Variants in PPIG observed in about 807,000 individuals in gnomAD.
PPIG encodes the protein peptidyl-prolyl cis-trans isomerase G.
In PPIG, 26 loss-of-function variants were observed where a neutral mutation model predicts 87.9. The observed-to-expected ratio is 0.30, with a 90% CI of 0.22 to 0.41. The LOEUF (loss-of-function observed/expected upper bound fraction) is 0.41, where lower values mean the gene tolerates loss of function less well. Ranked by LOEUF, PPIG falls within the 10% of genes least tolerant of loss-of-function variation. The probability of loss-of-function intolerance (pLI) is 1.00; values close to 1 mark genes in which losing one functional copy is unlikely to be tolerated. For missense variants in PPIG, 722 were observed against 879.4 expected (o/e 0.82, Z 2.26); for synonymous variants, 308 against 276.5 (o/e 1.11, Z -1.13).
In PPIG at chr2:169,606,166, T is replaced by C. The variant is rs1685318648; in HGVS notation, c.244+20T>C. The C allele has an allele frequency of 2.6e-6, 4 of 1,522,394 alleles. No individual in the cohort carries two copies. Among genetic ancestry groups the C allele is most frequent in the African/African-American group, 2.7e-5 (2 of 72,836 alleles). The allele number at this position is 1,522,394 out of a possible 1,614,324, so 94.3% of individuals were successfully genotyped here. A position where few individuals can be genotyped will look rare whatever the true frequency, so the allele number is the denominator to read the frequency against. ...GTGAAGGTGAGACTTGGAAAAATCA[T>C]GTATTATTTTCTGTTAAATATCACA... On this transcript the variant is annotated intron_variant, in intron 5 of 13. Transcript: ENST00000260970.
chr2:169,590,100 C>G (rs983103062), intron 1 of PPIG, among the ~76,000 whole-genome samples: 1 of 141,616 alleles, frequency 7.1e-6, no homozygotes, highest in East Asian at 2.1e-4. Flanking sequence ...CAAGAAAGAG[C>G]GAAACTCTGT....
chr2:169,585,291 T>G (rs1684670973), intron 1 of PPIG, among the ~76,000 whole-genome samples: 1 of 103,956 alleles, frequency 9.6e-6, no homozygotes, highest in Non-Finnish European at 2.1e-5. Context: ...AGACGGAGTC[T>G]CGCTCTGTCG....
intron 12 of PPIG, among the ~76,000 whole-genome samples, chr2:169,634,342 GTGAGCCACCGTGTCCACCCAT>G (rs1686131505): frequency 6.6e-6 from 1 of 152,148 alleles, no homozygotes; most frequent in Admixed American, 6.5e-5. Context: ...AATTACAGGC[GTGAGCCACCGTGTCCACCCAT>G]TTACCTAACC....
rs1553542345 is a variant in PPIG at position 169,585,270 on chromosome 2, C to CTTTTTTTTTTTTTTTTTTTTTT, written c.-70+789_-70+790insTTTTTTTTTTTTTTTTTTTTTT. On this transcript the variant is annotated intron_variant, in intron 1 of 13. Transcript: ENST00000260970. ...TATGCTAATTTGGTTCTTGGTTAGTCTTTTTTTTTGAGACGGAGTCTCGCT... is the reference window on the plus strand; with the variant it reads ...TATGCTAATTTGGTTCTTGGTTAGTCTTTTTTTTTTTTTTTTTTTTTTTTTTTTTTTGAGACGGAGTCTCGCT... 5.9e-5 allele frequency among the ~76,000 whole-genome samples: 7 copies of CTTTTTTTTTTTTTTTTTTTTTT among 118,766 alleles called. 1 individual carries two copies. The highest frequency in any genetic ancestry group is 9.5e-5 in the African/African-American group (3 of 31,488). 77.9% of individuals were successfully genotyped at this position (118,766 alleles called of 152,430 possible).
chr2:169,586,266 G>T (rs2683435), intron 1 of PPIG, among the ~76,000 whole-genome samples: 61,238 of 151,600 alleles, frequency 0.4, 12,911 homozygotes, highest in East Asian at 0.58. Context: ...GGCTTTTCTA[G>T]GCAGTCAGTT....
intron 4 of PPIG, among the ~76,000 whole-genome samples, chr2:169,605,399 A>C (rs1428843022): frequency 6.6e-6 from 1 of 152,068 alleles, no homozygotes; most frequent in Non-Finnish European, 1.5e-5. Flanking sequence ...GCTACTCTGG[A>C]GGATGAGGCG....
intron 9 of PPIG, among the ~76,000 whole-genome samples, chr2:169,624,648 T>TGC (rs1685836067): frequency 6.6e-6 from 1 of 152,296 alleles, no homozygotes; most frequent in East Asian, 1.9e-4. Flanking sequence ...AGTGCAGTGG[T>TGC]GCGTTCTCGG....
intron 7 of PPIG, among the ~76,000 whole-genome samples, chr2:169,610,026 C>T (rs1362140903): frequency 6.6e-6 from 1 of 152,112 alleles, no homozygotes; most frequent in Non-Finnish European, 1.5e-5. Flanking sequence ...AAATTATGAC[C>T]AGGCCTGTTG....
rs1686260400 is a variant in PPIG at position 169,639,318 on chromosome 2, G to T, written c.*1795G>T. The T allele has an allele frequency of 6.6e-6, 1 of 152,026 alleles. No homozygotes were observed. The highest frequency in any genetic ancestry group is 1.5e-5 in the Non-Finnish European group (1 of 67,936). 9.4% of individuals were successfully genotyped at this position (152,026 alleles called of 1,614,324 possible). A position where few individuals can be genotyped will look rare whatever the true frequency, so the allele number is the denominator to read the frequency against. The stretch of plus-strand genomic sequence containing the variant: ...ATGTAGTTTAAGCAAGTTATTGTTT[G>T]TCTTAATTTCAGTTAACTGCATTTT... On this transcript the variant is annotated 3_prime_UTR_variant, in exon 14 of 14. Transcript: ENST00000260970.
chr2:169,602,356 C>T (rs1263334229), intron 1 of PPIG, among the ~76,000 whole-genome samples: 2 of 152,094 alleles, frequency 1.3e-5, no homozygotes, highest in Non-Finnish European at 2.9e-5. Context: ...CGCTCTGTCC[C>T]CCAGGCTGGA....
Position 169,637,352 on chromosome 2 carries a change from C to G in PPIG, c.2094C>G (p.Asp698Glu), listed in dbSNP as rs761854947. The G allele has an allele frequency of 1.9e-6, 3 of 1,610,204 alleles. No homozygotes were observed. Among genetic ancestry groups the G allele is most frequent in the Non-Finnish European group, 1.7e-6 (2 of 1,179,260 alleles). Reference protein sequence around the residue: ...PFSKIKQSSQDNELKSSMLKN... With the variant: ...PFSKIKQSSQENELKSSMLKN... ...CAAAAATAAAACAAAGCAGTCAGGA[C>G]AATGAATTAAAGTCCTCCATGTTGA... is the stretch of plus-strand genomic sequence containing the variant. Residue 698 changes from aspartate (D) to glutamate (E), a missense_variant, in exon 14 of 14, where the codon GAC (aspartate) becomes GAG (glutamate). Coordinates refer to ENST00000260970, the MANE Select transcript of PPIG (RefSeq NM_004792.3).
intron 9 of PPIG, among the ~76,000 whole-genome samples, chr2:169,627,626 A>C (rs1200319919): frequency 6.6e-6 from 1 of 150,774 alleles, no homozygotes; most frequent in East Asian, 2.0e-4. Context: ...TCCCAGGCTT[A>C]AGTGATTCTC....
intron 7 of PPIG, among the ~76,000 whole-genome samples, chr2:169,612,664 G>T (rs111382834): frequency 3.3e-5 from 5 of 152,024 alleles, no homozygotes; most frequent in Admixed American, 3.3e-4. Flanking sequence ...TTACAGACGT[G>T]AGCCACTGCA....
chr2:169,633,368 G>A, intron 12 of PPIG, 121 bp downstream of exon 12: 2 of 756,426 alleles, frequency 2.6e-6, no homozygotes, highest in Non-Finnish European at 4.5e-6. Context: ...GGAGATGCAG[G>A]CATTGAATTA....
intron 9 of PPIG, among the ~76,000 whole-genome samples, chr2:169,627,278 T>C (rs1685914196): frequency 6.7e-6 from 1 of 149,736 alleles, no homozygotes; most frequent in Non-Finnish European, 1.5e-5. Context: ...TTTGTATTTT[T>C]AGTAGAGACA....
intron 9 of PPIG, among the ~76,000 whole-genome samples, chr2:169,615,924 T>C (rs1375387956): frequency 2.0e-5 from 3 of 152,216 alleles, no homozygotes; most frequent in Non-Finnish European, 4.4e-5. Context: ...GGTATACACA[T>C]GCCATGGTGA....
intron 9 of PPIG, among the ~76,000 whole-genome samples, chr2:169,618,043 T>C (rs1300076086): frequency 6.6e-6 from 1 of 152,194 alleles, no homozygotes; most frequent in Non-Finnish European, 1.5e-5. Flanking sequence ...ACCTAGTTTA[T>C]TGAGAGTTTT....
chr2:169,608,170 AAATT>A (rs1314283291), intron 6 of PPIG, among the ~76,000 whole-genome samples: 16 of 152,356 alleles, frequency 1.1e-4, no homozygotes, highest in African/African-American at 3.6e-4. Flanking sequence ...AAATAATAGA[AAATT>A]AATAATATTT....
chr2:169,587,006 T>C (rs1487475962), intron 1 of PPIG, among the ~76,000 whole-genome samples: 1 of 152,142 alleles, frequency 6.6e-6, no homozygotes. Flanking sequence ...TGATCTCAGC[T>C]CACTGCAACC....
Sources: gnomAD v4.1 joint callset for allele counts (sites outside exome capture counted in the v4.1 genomes callset) on GRCh38, gnomAD v4.1.1 for gene constraint, MANE v1.5 for transcripts, NCBI Gene and HGNC (gene_info 2026-07-23, HGNC 2026-07-21) for gene names.